CCDC60: variants seen among roughly 807,000 people sequenced by gnomAD.
CCDC60 encodes the protein coiled-coil domain-containing protein 60.
A neutral mutation model predicts 63.5 loss-of-function variants in CCDC60; 54 were observed. The observed-to-expected ratio is 0.85, with a 90% CI of 0.68 to 1.07. CCDC60 has a LOEUF of 1.07. Among genes scored for constraint, CCDC60 ranks in the 50% least tolerant of loss-of-function variants. CCDC60 has a pLI of 0.00. For missense variants in CCDC60, 651 were observed against 684.3 expected (o/e 0.95, Z 0.54); for synonymous variants, 206 against 238.8 (o/e 0.86, Z 1.27).
intron 13 of CCDC60, among the ~76,000 whole-genome samples, chr12:119,540,134 T>G (rs530234533): frequency 4.9e-4 from 74 of 152,328 alleles, no homozygotes; most frequent in African/African-American, 1.7e-3. Flanking sequence ...TCAGCCGTCT[T>G]GCTAGCCACC....
At chr12:119,515,415 G>A (rs758585536) in intron 7 of CCDC60, among the ~76,000 whole-genome samples, 20 of 152,092 alleles carry the variant, frequency 1.3e-4, no homozygotes, top group Admixed American at 5.2e-4. Context: ...TGACTTCCCA[G>A]GCTCAGGTGA....
intron 1 of CCDC60, among the ~76,000 whole-genome samples, chr12:119,404,058 T>C (rs1956441476): frequency 1.3e-5 from 2 of 152,010 alleles, no homozygotes; most frequent in African/African-American, 4.8e-5. Flanking sequence ...GAGGCCGAGG[T>C]GGGCAGATCA....
At chr12:119,427,269 G>A (rs1287976996) in intron 1 of CCDC60, among the ~76,000 whole-genome samples, 1 of 152,024 alleles carries the variant, frequency 6.6e-6, no homozygotes, top group Non-Finnish European at 1.5e-5. Context: ...TTTGATATGT[G>A]TATATCCACA....
chr12:119,480,073 C>A (rs1027513217), intron 4 of CCDC60, among the ~76,000 whole-genome samples: 3 of 150,968 alleles, frequency 2.0e-5, no homozygotes, highest in African/African-American at 7.3e-5. Flanking sequence ...TGCTTTAGGG[C>A]AATGGATTCA....
At chr12:119,522,876 G>A (rs979789041) in intron 9 of CCDC60, 63 bp from the exon 10 acceptor site, 10 of 1,484,650 alleles carry the variant, frequency 6.7e-6, no homozygotes, top group Non-Finnish European at 9.4e-6. Flanking sequence ...ATGGAGCACT[G>A]GGGGCACCCT....
chr12:119,411,304 C>T (rs1272149140), intron 1 of CCDC60, among the ~76,000 whole-genome samples: 1 of 152,090 alleles, frequency 6.6e-6, no homozygotes, highest in Admixed American at 6.5e-5. Flanking sequence ...TCACATAGAA[C>T]CATCAGGATG....
At chr12:119,466,375 G>A (rs185310899) in intron 2 of CCDC60, among the ~76,000 whole-genome samples, 74 of 152,264 alleles carry the variant, frequency 4.9e-4, no homozygotes, top group African/African-American at 4.8e-4. Context: ...TGCTTTGTAC[G>A]TAATAAGCAT....
At chr12:119,476,277 G>T (rs542859726) in intron 3 of CCDC60, among the ~76,000 whole-genome samples, 1 of 152,236 alleles carries the variant, frequency 6.6e-6, no homozygotes, top group South Asian at 2.1e-4. Flanking sequence ...GGTAAAATTT[G>T]TTTTATTATT....
At position 119,456,097 on chromosome 12, in the gene CCDC60, A is replaced by G. The variant is rs896927092; in HGVS notation, c.171-15897A>G. Among the ~76,000 whole-genome samples the G allele has an allele frequency of 5.3e-5, 8 of 151,356 alleles. No individual in the cohort carries two copies. The highest frequency in any genetic ancestry group is 5.3e-4 in the Admixed American group (8 of 15,158). Reference sequence around the variant, plus strand: ...CATGTGCAATTTCAAGGGGGTAGAGAGATGCAAAGGAATGGCAGGGTGAAT... The same window carrying G: ...CATGTGCAATTTCAAGGGGGTAGAGGGATGCAAAGGAATGGCAGGGTGAAT... On this transcript the variant is annotated intron_variant, in intron 2 of 13. Coordinates refer to ENST00000327554, the MANE Select transcript of CCDC60 (RefSeq NM_178499.5). This position sits in a 1 kb window ranked among gnomAD's most constrained non-coding sequence, Gnocchi z 4.6.
At chr12:119,446,676 T>G (rs1950547411) in intron 2 of CCDC60, among the ~76,000 whole-genome samples, 2 of 149,408 alleles carry the variant, frequency 1.3e-5, no homozygotes, top group African/African-American at 2.5e-5. Flanking sequence ...TCTACGATGG[T>G]TCACTGGATA....
chr12:119,493,882 G>A (rs1951656378), intron 5 of CCDC60, among the ~76,000 whole-genome samples: 1 of 151,976 alleles, frequency 6.6e-6, no homozygotes, highest in Admixed American at 6.6e-5. Context: ...AAGGAAATAT[G>A]ATACATGTGC....
chr12:119,416,949 C>T (rs1362960358), intron 1 of CCDC60, among the ~76,000 whole-genome samples: 3 of 151,984 alleles, frequency 2.0e-5, no homozygotes, highest in Non-Finnish European at 2.9e-5. Flanking sequence ...GGTGAAACCC[C>T]ATCTATACAA....
intron 1 of CCDC60, among the ~76,000 whole-genome samples, chr12:119,345,601 TCAAA>T (rs1008738167): frequency 2.0e-5 from 3 of 152,074 alleles, no homozygotes; most frequent in East Asian, 1.9e-4. Context: ...AGACCTCTCC[TCAAA>T]CAGTCAGTTT....
At chr12:119,406,226 G>A (rs1357727327) in intron 1 of CCDC60, among the ~76,000 whole-genome samples, 1 of 151,486 alleles carries the variant, frequency 6.6e-6, no homozygotes, top group African/African-American at 2.4e-5. Context: ...GAGAGAGTTG[G>A]GGTCTTCTTG....
At chr12:119,507,608 A>G (rs1334013307) in intron 7 of CCDC60, among the ~76,000 whole-genome samples, 1 of 27,568 alleles carries the variant, frequency 3.6e-5, no homozygotes, top group Non-Finnish European at 6.2e-5. Flanking sequence ...ATATATATAT[A>G]TATATATTTT....
In CCDC60 at chr12:119,444,230, A is replaced by G. The variant is rs180758064; in HGVS notation, c.170+15468A>G. ...CGTTTTCAGGATAACGTTAGGTAAC[A>G]CAATGAAAGCGTTTAGAATAGAGTT... On this transcript the variant is annotated intron_variant, in intron 2 of 13. Coordinates refer to ENST00000327554, the MANE Select transcript of CCDC60 (RefSeq NM_178499.5). 1.4e-3 allele frequency among the ~76,000 whole-genome samples: 218 copies of G among 152,382 alleles called. 3 individuals are homozygous for G. The South Asian group carries it at 0.017, about 12-fold the overall frequency.
At chr12:119,378,341 A>G (rs1207208774) in intron 1 of CCDC60, among the ~76,000 whole-genome samples, 2 of 152,082 alleles carry the variant, frequency 1.3e-5, no homozygotes, top group African/African-American at 4.8e-5. Context: ...TTGCCTTTCT[A>G]TGTCTGCAGC....
intron 1 of CCDC60, among the ~76,000 whole-genome samples, chr12:119,421,196 A>G (rs1411768424): frequency 6.6e-6 from 1 of 152,236 alleles, no homozygotes; most frequent in Non-Finnish European, 1.5e-5. Flanking sequence ...ACATTCTTTC[A>G]TAAAACACAG....
At chr12:119,507,414 TTA>T (rs542872904) in intron 7 of CCDC60, among the ~76,000 whole-genome samples, 3 of 148,312 alleles carry the variant, frequency 2.0e-5, no homozygotes, top group Admixed American at 1.4e-4. Flanking sequence ...TATGCGATTC[TTA>T]TATATATATA....
Sources: allele counts gnomAD v4.1 joint callset (sites outside exome capture counted in the v4.1 genomes callset), GRCh38; gene constraint gnomAD v4.1.1; non-coding constraint Gnocchi (gnomAD v3.1); transcripts MANE v1.5; gene names NCBI Gene and HGNC (gene_info 2026-07-23, HGNC 2026-07-21).